CADPS: variants seen among roughly 807,000 people sequenced by gnomAD.
CADPS encodes the protein calcium-dependent secretion activator 1.
CADPS carries 57 observed loss-of-function variants against 167.3 expected under a neutral mutation model. The observed-to-expected ratio is 0.34, with a 90% confidence interval of 0.28 to 0.42. The LOEUF (loss-of-function observed/expected upper bound fraction) is 0.42. Among genes scored for constraint, CADPS ranks in the 20% least tolerant of loss-of-function variants. The pLI, the probability that CADPS is intolerant of heterozygous loss-of-function variation, is 1.00. For synonymous variants in CADPS, 676 were observed against 635.3 expected (o/e 1.06, Z -0.96); for missense variants, 1,414 against 1,738.1 (o/e 0.81, Z 3.32).
At chr3:62,760,237 G>T (rs2085064446) in intron 2 of CADPS, among the ~76,000 whole-genome samples, 1 of 151,834 alleles carries the variant, frequency 6.6e-6, no homozygotes, top group Non-Finnish European at 1.5e-5. Flanking sequence ...TATTAATAAT[G>T]GAACTGTCCA....
At chr3:62,494,724 A>G (rs1416776157) in intron 18 of CADPS, among the ~76,000 whole-genome samples, 1 of 134,056 alleles carries the variant, frequency 7.5e-6, no homozygotes, top group Non-Finnish European at 1.5e-5. Context: ...CTGGAGTGCA[A>G]TGGTGCGATC....
chr3:62,401,828 C>T (rs1366605878), intron 29 of CADPS, among the ~76,000 whole-genome samples: 4 of 151,714 alleles, frequency 2.6e-5, no homozygotes, highest in Non-Finnish European at 5.9e-5. Context: ...CAACACCAAT[C>T]TGGAAATAGA....
chr3:62,447,991 G>A (rs908808005), intron 26 of CADPS, among the ~76,000 whole-genome samples: 5 of 152,140 alleles, frequency 3.3e-5, no homozygotes, highest in Middle Eastern at 3.2e-3. Flanking sequence ...CCTGCAAAAA[G>A]GGGGTGATTC....
intron 5 of CADPS, among the ~76,000 whole-genome samples, chr3:62,648,691 C>CACAAAAAAAAAAAAA (rs1554036229): frequency 3.7e-5 from 2 of 54,526 alleles, no homozygotes; most frequent in Non-Finnish European, 7.4e-5. Flanking sequence ...GACGTTGTGT[C>CACAAAAAAAAAAAAA]AAAAAAAAAA....
At chr3:62,401,072 G>T (rs1431570145) in intron 29 of CADPS, among the ~76,000 whole-genome samples, 1 of 152,098 alleles carries the variant, frequency 6.6e-6, no homozygotes, top group Non-Finnish European at 1.5e-5. Flanking sequence ...AAATTATAAG[G>T]TTATCCTCAA....
rs1029889313 is a variant in CADPS, at chr3:62,576,481, G to A, written c.1578-5543C>T. 1.2e-4 allele frequency among the ~76,000 whole-genome samples: 18 copies of A among 152,074 alleles called. No homozygotes were observed. The South Asian group carries it at 3.5e-3, about 30-fold the overall frequency. ...AGTATTATTGTTATTGTTGTTATGTGTGCTACTATTTGTAGTATTAAAAAT... is the reference window on the plus strand; with the variant it reads ...AGTATTATTGTTATTGTTGTTATGTATGCTACTATTTGTAGTATTAAAAAT... On this transcript the variant is annotated intron_variant, in intron 8 of 29. Coordinates refer to ENST00000383710, the MANE Select transcript of CADPS (RefSeq NM_003716.4).
At chr3:62,646,373 C>T (rs1462544621) in intron 5 of CADPS, among the ~76,000 whole-genome samples, 1 of 151,716 alleles carries the variant, frequency 6.6e-6, no homozygotes, top group East Asian at 1.9e-4. Context: ...AGTTTTATCA[C>T]TCTGTCTAGA....
chr3:62,605,941 C>T (rs547947328), intron 6 of CADPS, among the ~76,000 whole-genome samples: 3 of 152,204 alleles, frequency 2.0e-5, no homozygotes, highest in South Asian at 2.1e-4. Context: ...AACATAAAAT[C>T]GGGGCTTGAA....
At chr3:62,630,058 T>G (rs1461675516) in intron 6 of CADPS, among the ~76,000 whole-genome samples, 1 of 151,408 alleles carries the variant, frequency 6.6e-6, no homozygotes, top group Non-Finnish European at 1.5e-5. Context: ...GTTTACATAC[T>G]TTTTTTTGGT....
chr3:62,529,968 A>G (rs547908730), intron 13 of CADPS, among the ~76,000 whole-genome samples: 52 of 152,286 alleles, frequency 3.4e-4, no homozygotes, highest in African/African-American at 1.2e-3. Context: ...ATAATTAGTA[A>G]ACCTAATTTA....
chr3:62,418,537 C>T (rs373844533), intron 28 of CADPS, among the ~76,000 whole-genome samples: 143 of 117,468 alleles, frequency 1.2e-3, no homozygotes, highest in East Asian at 6.1e-3. Flanking sequence ...GATGGGATTT[C>T]GCCATATTGC....
rs55665003 is a variant in CADPS at position 62,648,691 on chromosome 3, C to CAAAAAAAAAAA, written c.1203+2145_1203+2155dup. On this transcript the variant is annotated intron_variant, in intron 5 of 29. Transcript: ENST00000383710. The stretch of plus-strand genomic sequence containing the variant: ...TGGGCAACAGAGTGAGACGTTGTGT[C>CAAAAAAAAAAA]AAAAAAAAAAAAAAGAGGAAAGAAA... Among the ~76,000 whole-genome samples, 33 of 54,548 alleles carry CAAAAAAAAAAA rather than the reference C, an allele frequency of 6.0e-4. 12 individuals carry two copies. The highest frequency in any genetic ancestry group is 7.1e-4 in the Non-Finnish European group (19 of 26,886). 35.8% of individuals were successfully genotyped at this position (54,548 alleles called of 152,430 possible). A position where few individuals can be genotyped will look rare whatever the true frequency, so the allele number is the denominator to read the frequency against.
chr3:62,582,521 A>G (rs2083637770), intron 8 of CADPS, among the ~76,000 whole-genome samples: 1 of 152,056 alleles, frequency 6.6e-6, no homozygotes, highest in African/African-American at 2.4e-5. Context: ...ACCCTCCTTT[A>G]CACAACTGGG....
chr3:62,511,770 T>C (rs2067887324), intron 17 of CADPS, among the ~76,000 whole-genome samples: 1 of 152,126 alleles, frequency 6.6e-6, no homozygotes, highest in Non-Finnish European at 1.5e-5. Context: ...GTGATTTACA[T>C]ATATAGACCC....
chr3:62,858,823 A>C (rs1292635104), intron 1 of CADPS, among the ~76,000 whole-genome samples: 1 of 152,112 alleles, frequency 6.6e-6, no homozygotes, highest in Admixed American at 6.6e-5. Flanking sequence ...TTTTCCTTAA[A>C]AATCTGCTTT....
intron 6 of CADPS, among the ~76,000 whole-genome samples, chr3:62,629,508 A>C (rs833665): frequency 0.14 from 21,758 of 152,194 alleles, 1,651 homozygotes; most frequent in Middle Eastern, 0.22. Flanking sequence ...GATAGTTAAA[A>C]ATCTGGGACG....
chr3:62,644,570 C>G (rs1451638952), intron 6 of CADPS, among the ~76,000 whole-genome samples: 1 of 152,162 alleles, frequency 6.6e-6, no homozygotes, highest in African/African-American at 2.4e-5. Flanking sequence ...GGCCTAACAA[C>G]TTCCTCATGG....
intron 22 of CADPS, among the ~76,000 whole-genome samples, chr3:62,479,759 T>C (rs1272435751): frequency 6.6e-6 from 1 of 152,212 alleles, no homozygotes; most frequent in Non-Finnish European, 1.5e-5. Flanking sequence ...TGAAAAGATA[T>C]AGAATCAGGC....
chr3:62,778,926 G>A (rs2090976282), intron 1 of CADPS, among the ~76,000 whole-genome samples: 1 of 150,750 alleles, frequency 6.6e-6, no homozygotes, highest in Admixed American at 6.6e-5. Context: ...TTTTTAAGAT[G>A]GAGTCTTGCT....
Sources: allele counts gnomAD v4.1 joint callset (sites outside exome capture counted in the v4.1 genomes callset), GRCh38; gene constraint gnomAD v4.1.1; transcripts MANE v1.5; gene names NCBI Gene and HGNC (gene_info 2026-07-23, HGNC 2026-07-21).